Variants in BMPER observed in about 807,000 individuals in gnomAD.
The protein encoded by BMPER is BMP-binding endothelial regulator protein.
A neutral mutation model predicts 87.3 loss-of-function variants in BMPER; 45 were observed. The observed-to-expected ratio is 0.52, with a 90% CI of 0.41 to 0.66. The LOEUF is 0.66. Ranked by LOEUF, BMPER falls within the 30% of genes least tolerant of loss-of-function variation. The pLI, the probability that BMPER is intolerant of heterozygous loss-of-function variation, is 0.00. For missense variants in BMPER, 784 were observed against 867.5 expected, an observed-to-expected ratio of 0.90 and a Z score of 1.21; for synonymous variants, 326 against 316.2, an observed-to-expected ratio of 1.03 and a Z score of -0.33.
intron 6 of BMPER, among the ~76,000 whole-genome samples, chr7:33,998,021 TG>T (rs1456335418): frequency 6.6e-6 from 1 of 152,264 alleles, no homozygotes; most frequent in Non-Finnish European, 1.5e-5. Flanking sequence ...CTTCTTTCCC[TG>T]CCCTGGTAGA....
At chr7:34,102,985 G>A (rs1789721947) in intron 13 of BMPER, among the ~76,000 whole-genome samples, 3 of 152,214 alleles carry the variant, frequency 2.0e-5, no homozygotes, top group South Asian at 4.2e-4. Context: ...AGTGTGCCAT[G>A]CTCAAATTTG....
chr7:34,138,685 T>A (rs541427118), intron 13 of BMPER, among the ~76,000 whole-genome samples: 1 of 152,318 alleles, frequency 6.6e-6, no homozygotes, highest in South Asian at 2.1e-4. Context: ...GATTCCTTTG[T>A]TATTTTGCCA....
At chr7:34,068,627 T>G (rs1788657709) in intron 11 of BMPER, among the ~76,000 whole-genome samples, 1 of 151,616 alleles carries the variant, frequency 6.6e-6, no homozygotes, top group South Asian at 2.1e-4. Context: ...GTTTTTCCAG[T>G]TTTTTTTTCT....
At chr7:34,139,887 G>A (rs1165217986) in intron 13 of BMPER, among the ~76,000 whole-genome samples, 3 of 151,962 alleles carry the variant, frequency 2.0e-5, no homozygotes, top group Non-Finnish European at 4.4e-5. Context: ...TATTTAAATA[G>A]CATTGTGATG....
chr7:33,965,869 CTTTAG>C (rs1406789326), intron 3 of BMPER, among the ~76,000 whole-genome samples: 1 of 170 alleles, frequency 5.9e-3, no homozygotes, highest in African/African-American at 0.019. Context: ...ATAATCCATA[CTTTAG>C]ATGGGTAGTT....
chr7:33,971,250 G>T (rs987030203), intron 5 of BMPER, among the ~76,000 whole-genome samples: 1 of 151,908 alleles, frequency 6.6e-6, no homozygotes, highest in South Asian at 2.1e-4. Flanking sequence ...ACCACTGGAC[G>T]CTCTGCAGAG....
At chr7:33,905,484 C>T, upstream of BMPER, 5 of 1,136,084 alleles carry the variant, frequency 4.4e-6, no homozygotes, top group South Asian at 3.9e-5. Context: ...CTCTCGGGCG[C>T]CCGCCTCCCT....
rs778879462 is a variant in BMPER at position 33,905,608 on chromosome 7, G to A, written c.-6G>A. The A allele has an allele frequency of 1.9e-6, 3 of 1,612,078 alleles. No homozygotes were observed. Among genetic ancestry groups the A allele is most frequent in the Non-Finnish European group, 2.5e-6 (3 of 1,179,872 alleles). On this transcript the variant is annotated 5_prime_UTR_variant, in exon 1 of 15. It adds an upstream start codon to the 5' untranslated region. Transcript: ENST00000649409. ...TGCAGTCGCCAGGGATTCCCTCCAG[G>A]TGACGATGCTCTGGTTCTCCGGCGT...
At chr7:33,978,571 G>A (rs979763415) in intron 6 of BMPER, among the ~76,000 whole-genome samples, 4 of 152,130 alleles carry the variant, frequency 2.6e-5, no homozygotes. Flanking sequence ...GCTCCCGGGA[G>A]GTCTTGATTG....
chr7:33,937,400 C>T lies in BMPER; in HGVS notation c.319+12C>T, dbSNP rs1784631077. 1.2e-6 allele frequency: 2 copies of T among 1,610,362 alleles called. No individual in the cohort carries two copies. Among genetic ancestry groups the T allele is most frequent in the African/African-American group, 2.7e-5 (2 of 74,832 alleles). On this transcript the variant is annotated intron_variant, in intron 3 of 14. Coordinates refer to ENST00000649409, the MANE Select transcript of BMPER (RefSeq NM_001365308.1). The stretch of plus-strand genomic sequence containing the variant: ...TGAACAGTGCAAAGGTGATTGATGT[C>T]TTGGCCGTCTTCTCTTCTGGCTGCT...
chr7:33,939,302 G>A (rs1052184617), intron 3 of BMPER, among the ~76,000 whole-genome samples: 1 of 152,060 alleles, frequency 6.6e-6, no homozygotes, highest in Non-Finnish European at 1.5e-5. Flanking sequence ...TCTTTCAAGG[G>A]AAAGAGATAC....
intron 3 of BMPER, 144 bp downstream of exon 3, chr7:33,937,532 G>A (rs1486761685): frequency 8.0e-6 from 6 of 752,056 alleles, no homozygotes; most frequent in Non-Finnish European, 1.1e-5. Context: ...GTGTGTGTGT[G>A]TGTGTATGTG....
chr7:33,951,899 G>T (rs1785035243), intron 3 of BMPER, among the ~76,000 whole-genome samples: 1 of 151,994 alleles, frequency 6.6e-6, no homozygotes, highest in Non-Finnish European at 1.5e-5. Flanking sequence ...GGATAAATAG[G>T]GATGAAAAAT....
At chr7:33,920,691 C>T (rs1697505927) in intron 2 of BMPER, among the ~76,000 whole-genome samples, 1 of 152,096 alleles carries the variant, frequency 6.6e-6, no homozygotes, top group Admixed American at 6.5e-5. Flanking sequence ...CCCCAAAGTG[C>T]TGGGATTACA....
At chr7:33,905,280 G>C (rs1339198214), upstream of BMPER, 6 of 412,900 alleles carry the variant, frequency 1.5e-5, no homozygotes, top group Non-Finnish European at 2.7e-5. Flanking sequence ...ATCTCCGGCT[G>C]CCGCAACACC....
chr7:34,121,765 T>C (rs10486630), intron 13 of BMPER, among the ~76,000 whole-genome samples: 23,026 of 152,154 alleles, frequency 0.15, 2,199 homozygotes, highest in Non-Finnish European at 0.2. Context: ...TAATGTTTCT[T>C]TAGTATCTCT....
intron 11 of BMPER, among the ~76,000 whole-genome samples, chr7:34,078,581 C>T (rs774432219): frequency 1.6e-4 from 25 of 152,070 alleles, no homozygotes; most frequent in Non-Finnish European, 2.6e-4. Flanking sequence ...TCATTCCCTA[C>T]GTTAAGATCA....
intron 6 of BMPER, among the ~76,000 whole-genome samples, chr7:33,978,425 G>A (rs1785750329): frequency 6.6e-6 from 1 of 152,226 alleles, no homozygotes; most frequent in Admixed American, 6.5e-5. Context: ...CTACCATTGT[G>A]TGTGACCAGA....
chr7:33,952,452 C>T (rs1329094658), intron 3 of BMPER, among the ~76,000 whole-genome samples: 2 of 152,082 alleles, frequency 1.3e-5, no homozygotes, highest in African/African-American at 2.4e-5. Context: ...TCATGGAGGG[C>T]CATAAAGCTG....
Sources: gnomAD v4.1 joint callset for allele counts (sites outside exome capture counted in the v4.1 genomes callset) on GRCh38, gnomAD v4.1.1 for gene constraint, MANE v1.5 for transcripts, NCBI Gene and HGNC (gene_info 2026-07-23, HGNC 2026-07-21) for gene names.